Variants in BAZ1A observed in about 807,000 individuals in gnomAD.
BAZ1A encodes bromodomain adjacent to zinc finger domain 1A, also known as bromodomain adjacent to zinc finger domain protein 1A.
BAZ1A carries 50 observed loss-of-function variants against 185.2 expected under a neutral mutation model. The observed-to-expected ratio is 0.27, with a 90% confidence interval of 0.22 to 0.34. The LOEUF is 0.34. Among genes scored for constraint, BAZ1A ranks in the 10% least tolerant of loss-of-function variants. BAZ1A has a pLI of 1.00. For missense variants in BAZ1A, 1,356 were observed against 1,839.9 expected (o/e 0.74, Z 4.81); for synonymous variants, 571 against 615.6 (o/e 0.93, Z 1.07).
intron 3 of BAZ1A, among the ~76,000 whole-genome samples, chr14:34,830,912 C>T (rs1197802859): frequency 2.0e-5 from 3 of 151,866 alleles, no homozygotes; most frequent in African/African-American, 4.8e-5. Flanking sequence ...CAATCCACCA[C>T]GCCCAGCTAA....
chr14:34,811,723 A>G (rs1426450964), intron 4 of BAZ1A, among the ~76,000 whole-genome samples: 1 of 152,224 alleles, frequency 6.6e-6, no homozygotes, highest in Non-Finnish European at 1.5e-5. Context: ...TGTTTTAGGT[A>G]GGTATTTTAG....
At chr14:34,782,582 C>A (rs774511442) in intron 16 of BAZ1A, among the ~76,000 whole-genome samples, 1 of 151,978 alleles carries the variant, frequency 6.6e-6, no homozygotes, top group Non-Finnish European at 1.5e-5. Flanking sequence ...TCTTCTACTG[C>A]GAGTTTGTGA....
At chr14:34,799,449 T>TC (rs1881385280) in intron 9 of BAZ1A, among the ~76,000 whole-genome samples, 1 of 152,128 alleles carries the variant, frequency 6.6e-6, no homozygotes, top group Non-Finnish European at 1.5e-5. Context: ...AATATGATCC[T>TC]CTAAGGCTAC....
At chr14:34,774,245 T>C in intron 19 of BAZ1A, 82 bp downstream of exon 19, 1 of 1,159,370 alleles carries the variant, frequency 8.6e-7, no homozygotes, top group Non-Finnish European at 1.2e-6. Context: ...ATATGCCTTG[T>C]CTATGCCATA....
chr14:34,873,282 C>G (rs2042981324), intron 2 of BAZ1A, among the ~76,000 whole-genome samples: 1 of 152,178 alleles, frequency 6.6e-6, no homozygotes, highest in Non-Finnish European at 1.5e-5. Flanking sequence ...TGCTATTACA[C>G]TTGGTTTGCA....
intron 8 of BAZ1A, among the ~76,000 whole-genome samples, chr14:34,800,754 A>G (rs900998705): frequency 6.6e-6 from 1 of 152,200 alleles, no homozygotes; most frequent in South Asian, 2.1e-4. Context: ...CAAGTGATTC[A>G]TATGTACATT....
Position 34,764,649 on chromosome 14 carries a change from G to C in BAZ1A, c.3776+58C>G, listed in dbSNP as rs115047990. 1.2e-3 allele frequency: 1,796 copies of C among 1,545,574 alleles called. 25 individuals are homozygous for C. The African/African-American group carries it at 0.023, about 20-fold the overall frequency. On this transcript the variant is annotated intron_variant, in intron 23 of 26. Coordinates refer to ENST00000360310, the MANE Select transcript of BAZ1A (RefSeq NM_013448.3). ...TAACTATTCCATTTGTATTTGAATA[G>C]TGGAGAAATTGTCTAACTAAGACTT...
chr14:34,823,568 G>A (rs2042119196), intron 4 of BAZ1A, among the ~76,000 whole-genome samples: 1 of 151,946 alleles, frequency 6.6e-6, no homozygotes, highest in African/African-American at 2.4e-5. Context: ...GCTGAGGCAG[G>A]AGAATCACTT....
intron 24 of BAZ1A, among the ~76,000 whole-genome samples, chr14:34,760,763 G>A (rs1231187093): frequency 6.6e-6 from 1 of 152,022 alleles, no homozygotes; most frequent in Non-Finnish European, 1.5e-5. Context: ...GGGGCTGGAG[G>A]ATTGCTTGAG....
chr14:34,801,989 A>G (rs2138657971), intron 7 of BAZ1A, among the ~76,000 whole-genome samples: 1 of 152,242 alleles, frequency 6.6e-6, no homozygotes, highest in Admixed American at 6.5e-5. Context: ...CTGTAGCTCT[A>G]TAAATTATTA....
chr14:34,781,547 C>G (rs575970031), intron 16 of BAZ1A, among the ~76,000 whole-genome samples: 154 of 145,432 alleles, frequency 1.1e-3, no homozygotes, highest in Non-Finnish European at 1.9e-3. Context: ...TTTTTTGAGA[C>G]AGAATCTCAC....
intron 3 of BAZ1A, among the ~76,000 whole-genome samples, chr14:34,832,719 G>A (rs1294130235): frequency 6.6e-6 from 1 of 152,030 alleles, no homozygotes; most frequent in Non-Finnish European, 1.5e-5. Flanking sequence ...TTGCTGGTGG[G>A]AATGTAAAAT....
chr14:34,826,195 C>A, intron 3 of BAZ1A, 39 bp from the exon 4 acceptor site: 1 of 1,593,520 alleles, frequency 6.3e-7, no homozygotes, highest in South Asian at 1.1e-5. Context: ...CAAATCATTT[C>A]ATATTTTACA....
intron 21 of BAZ1A, 56 bp downstream of exon 21, chr14:34,771,455 C>G: frequency 6.7e-7 from 1 of 1,501,022 alleles, no homozygotes; most frequent in South Asian, 1.4e-5. Flanking sequence ...AGTTAAAGGC[C>G]AACTCAAAAT....
At position 34,862,160 on chromosome 14, in the gene BAZ1A, C is replaced by A; in HGVS notation, c.276G>T (p.Leu92Phe). The change falls in exon 3 of 27, where the codon TTG (leucine) becomes TTT (phenylalanine). Residue 92 changes from leucine to phenylalanine, a missense_variant. By Grantham distance (22) the Leu-to-Phe change is conservative. Around this residue, in one of 7 missense-constraint regions of BAZ1A, gnomAD observed 332 missense variants for 395.3 expected, o/e 0.84. Transcript: ENST00000360310. ...PEPLIIPVLY[L>F]TSLTHRSRLH... Reference sequence around the variant, plus strand: ...AGCGCGAACGATGGGTAAGGCTGGTCAAGTATAAAACTGGAATAATTAGTG... The same window carrying A: ...AGCGCGAACGATGGGTAAGGCTGGTAAAGTATAAAACTGGAATAATTAGTG... The A allele has an allele frequency of 1.2e-6, 2 of 1,614,132 alleles. No homozygotes were observed. Among genetic ancestry groups the A allele is most frequent in the South Asian group, 2.2e-5 (2 of 91,068 alleles).
chr14:34,873,308 C>T (rs538968592), intron 2 of BAZ1A, among the ~76,000 whole-genome samples: 3 of 152,130 alleles, frequency 2.0e-5, no homozygotes, highest in Non-Finnish European at 2.9e-5. Flanking sequence ...CAAAGGGACT[C>T]CTTTTGAGTG....
chr14:34,754,394 G>C (rs1886146362), intron 26 of BAZ1A, among the ~76,000 whole-genome samples: 1 of 146,506 alleles, frequency 6.8e-6, no homozygotes, highest in South Asian at 2.1e-4. Flanking sequence ...ACTCCAGCCT[G>C]GGCAACAGAG....
chr14:34,853,720 C>G (rs1374250324), intron 3 of BAZ1A, among the ~76,000 whole-genome samples: 8 of 152,092 alleles, frequency 5.3e-5, no homozygotes, highest in Non-Finnish European at 8.8e-5. Context: ...CCAGGAGACA[C>G]AGGTTGCAGT....
intron 25 of BAZ1A, 61 bp downstream of exon 25, chr14:34,758,643 T>A: frequency 6.5e-7 from 1 of 1,544,808 alleles, no homozygotes; most frequent in South Asian, 1.2e-5. Flanking sequence ...TACTTCAAAG[T>A]TATCACGTGG....
Sources: allele counts gnomAD v4.1 joint callset (sites outside exome capture counted in the v4.1 genomes callset), GRCh38; gene constraint gnomAD v4.1.1; regional missense constraint gnomAD v4.1.1; transcripts MANE v1.5; gene names NCBI Gene and HGNC (gene_info 2026-07-23, HGNC 2026-07-21).